Variants in ZNF804B observed in about 807,000 individuals in gnomAD.
The protein encoded by ZNF804B is zinc finger protein 804B.
Under a neutral mutation model 101.4 loss-of-function variants are expected in ZNF804B, and 80 were observed. The observed-to-expected ratio is 0.79, with a 90% CI of 0.66 to 0.95. The LOEUF is 0.95. Among genes scored for constraint, ZNF804B ranks in the 40% least tolerant of loss-of-function variants. The pLI is 0.00. For synonymous variants in ZNF804B, 622 were observed against 558.8 expected (o/e 1.11, Z -1.59); for missense variants, 1,673 against 1,561.9 (o/e 1.07, Z -1.20).
chr7:89,283,657 A>G (rs1169229674), intron 2 of ZNF804B, among the ~76,000 whole-genome samples: 1 of 152,280 alleles, frequency 6.6e-6, no homozygotes, highest in Admixed American at 6.5e-5. Flanking sequence ...ATTTCAGCTT[A>G]TAATATATCA....
chr7:89,257,826 A>G (rs1488501816), intron 2 of ZNF804B, among the ~76,000 whole-genome samples: 1 of 152,002 alleles, frequency 6.6e-6, no homozygotes, highest in Non-Finnish European at 1.5e-5. Context: ...TATGTACTCT[A>G]TGTTTAGCTC....
At chr7:89,047,226 A>G (rs1276826431) in intron 1 of ZNF804B, among the ~76,000 whole-genome samples, 1 of 152,150 alleles carries the variant, frequency 6.6e-6, no homozygotes, top group Non-Finnish European at 1.5e-5. Context: ...TTGTAAAGTT[A>G]AGGAAGTGAT....
At chr7:89,115,622 C>CCTGTA (rs755691570) in intron 1 of ZNF804B, among the ~76,000 whole-genome samples, 4 of 152,116 alleles carry the variant, frequency 2.6e-5, no homozygotes, top group Non-Finnish European at 4.4e-5. Flanking sequence ...ATACCACAAT[C>CCTGTA]CTGTACCTCT....
At chr7:89,102,147 G>A (rs1417078538) in intron 1 of ZNF804B, among the ~76,000 whole-genome samples, 1 of 151,894 alleles carries the variant, frequency 6.6e-6, no homozygotes, top group Non-Finnish European at 1.5e-5. Context: ...TGTGAATGCA[G>A]GTGTCGGTTT....
chr7:89,293,099 C>T (rs2115901582), intron 2 of ZNF804B, among the ~76,000 whole-genome samples: 1 of 151,404 alleles, frequency 6.6e-6, no homozygotes, highest in Non-Finnish European at 1.5e-5. Flanking sequence ...TTTTTATCTT[C>T]TGAACTTTTG....
intron 1 of ZNF804B, among the ~76,000 whole-genome samples, chr7:88,931,945 A>C (rs1424183202): frequency 6.6e-6 from 1 of 151,816 alleles, no homozygotes; most frequent in Non-Finnish European, 1.5e-5. Context: ...AAGTGTATAT[A>C]GGAGAGGAAA....
At chr7:89,051,746 A>G (rs1480126495) in intron 1 of ZNF804B, among the ~76,000 whole-genome samples, 1 of 152,138 alleles carries the variant, frequency 6.6e-6, no homozygotes, top group African/African-American at 2.4e-5. Context: ...CAAATATATT[A>G]ACAATTTGCA....
rs372963975 is a variant in ZNF804B at position 89,113,789 on chromosome 7, A to G, written c.109-104366A>G. Among the ~76,000 whole-genome samples, 31 of 152,234 alleles carry G rather than the reference A, an allele frequency of 2.0e-4. No individual in the cohort carries two copies. In the East Asian group the frequency reaches 5.2e-3, roughly 26 times the overall value. ...AACATAGTGAAACCTCGTCTCTACT[A>G]AAAATACAAAAATTAGCCGGACATG... On this transcript the variant is annotated intron_variant, in intron 1 of 3. Transcript: ENST00000333190.
At chr7:89,086,717 T>C (rs988586659) in intron 1 of ZNF804B, among the ~76,000 whole-genome samples, 10 of 152,028 alleles carry the variant, frequency 6.6e-5, no homozygotes, top group Admixed American at 5.3e-4. Flanking sequence ...AATTACAGAA[T>C]GCAAAATTTT....
At chr7:88,890,011 G>A (rs1056622550) in intron 1 of ZNF804B, among the ~76,000 whole-genome samples, 16 of 152,180 alleles carry the variant, frequency 1.1e-4, no homozygotes, top group Non-Finnish European at 2.2e-4. Flanking sequence ...AGGTAACCCA[G>A]CATCACTTAT....
At chr7:89,203,540 CAT>C (rs1460475961) in intron 1 of ZNF804B, among the ~76,000 whole-genome samples, 1 of 151,992 alleles carries the variant, frequency 6.6e-6, no homozygotes, top group East Asian at 1.9e-4. Flanking sequence ...AGATTTAAGA[CAT>C]AGAGCTTCTG....
chr7:89,196,478 C>T lies in ZNF804B; in HGVS notation c.109-21677C>T, dbSNP rs186108714. On this transcript the variant is annotated intron_variant, in intron 1 of 3. Coordinates refer to ENST00000333190, the MANE Select transcript of ZNF804B (RefSeq NM_181646.5). Reference sequence around the variant, plus strand: ...CTTACACCTTATACAAAAATTAACTCGAGATGGATTAAAGACTTAAATGTA... The same window carrying T: ...CTTACACCTTATACAAAAATTAACTTGAGATGGATTAAAGACTTAAATGTA... Among the ~76,000 whole-genome samples, 12 of 152,110 alleles carry T rather than the reference C, an allele frequency of 7.9e-5. No individual in the cohort carries two copies. The East Asian group carries it at 1.9e-3, about 25-fold the overall frequency.
intron 1 of ZNF804B, among the ~76,000 whole-genome samples, chr7:89,103,334 G>A (rs1270800790): frequency 6.6e-6 from 1 of 150,918 alleles, no homozygotes; most frequent in East Asian, 1.9e-4. Flanking sequence ...TTATTTTAAT[G>A]ATATTGATTC....
intron 1 of ZNF804B, among the ~76,000 whole-genome samples, chr7:88,878,875 TA>T (rs1262143761): frequency 3.3e-5 from 5 of 152,220 alleles, no homozygotes; most frequent in African/African-American, 7.2e-5. Context: ...ATCTTCTAAA[TA>T]TACTACTTAA....
chr7:89,131,490 G>A (rs529712192), intron 1 of ZNF804B, among the ~76,000 whole-genome samples: 1 of 152,036 alleles, frequency 6.6e-6, no homozygotes, highest in South Asian at 2.1e-4. Flanking sequence ...TGGTTGAAAG[G>A]TAGATAGACC....
chr7:89,330,080 T>C (rs1438649352), intron 3 of ZNF804B, among the ~76,000 whole-genome samples: 2 of 151,628 alleles, frequency 1.3e-5, no homozygotes, highest in South Asian at 4.1e-4. Context: ...ACAGACACTT[T>C]ATTAACCATT....
rs73705584 is a variant in ZNF804B at position 88,911,266 on chromosome 7, A to G, written c.108+151182A>G. Among the ~76,000 whole-genome samples the G allele has an allele frequency of 6.0e-3, 908 of 151,878 alleles. 7 individuals carry two copies. Among genetic ancestry groups the G allele is most frequent in the African/African-American group, 0.02 (824 of 41,478 alleles). On this transcript the variant is annotated intron_variant, in intron 1 of 3. Transcript: ENST00000333190. ...AGGATTTTACCTTAATCAACAATAA[A>G]ATGATGCTTTTTTTAATGACATTTA... is the stretch of plus-strand genomic sequence containing the variant.
chr7:89,171,904 A>T (rs1791242895), intron 1 of ZNF804B, among the ~76,000 whole-genome samples: 1 of 152,166 alleles, frequency 6.6e-6, no homozygotes, highest in South Asian at 2.1e-4. Flanking sequence ...GAGTTATTTT[A>T]GACTTGGGGG....
intron 1 of ZNF804B, among the ~76,000 whole-genome samples, chr7:88,877,239 A>G (rs573384160): frequency 1.1e-4 from 17 of 150,262 alleles, no homozygotes; most frequent in South Asian, 6.3e-4. Context: ...TTTAAAAAGC[A>G]AAATGACTAA....
Sources: allele counts gnomAD v4.1 joint callset (sites outside exome capture counted in the v4.1 genomes callset), GRCh38; gene constraint gnomAD v4.1.1; transcripts MANE v1.5; gene names NCBI Gene and HGNC (gene_info 2026-07-23, HGNC 2026-07-21).